TMTC1: variants seen among roughly 807,000 people sequenced by gnomAD.
TMTC1 encodes the protein protein O-mannosyl-transferase TMTC1.
Under a neutral mutation model 104.8 loss-of-function variants are expected in TMTC1, and 73 were observed. The ratio of observed to expected loss-of-function variants is 0.70; its 90% CI spans 0.58 to 0.85. TMTC1 has a LOEUF of 0.85. Among genes scored for constraint, TMTC1 ranks in the 40% least tolerant of loss-of-function variants. The probability of loss-of-function intolerance (pLI) is 0.00; values close to 1 mark genes in which losing one functional copy is unlikely to be tolerated. For synonymous variants in TMTC1, 434 were observed against 428.7 expected, an observed-to-expected ratio of 1.01 and a Z score of -0.15; for missense variants, 1,035 against 1,096.1, an observed-to-expected ratio of 0.94 and a Z score of 0.79.
At chr12:29,710,965 A>C (rs1196693181) in intron 5 of TMTC1, among the ~76,000 whole-genome samples, 1 of 47,224 alleles carries the variant, frequency 2.1e-5, no homozygotes, top group African/African-American at 4.8e-5. Context: ...TAAATATATT[A>C]ATAATATATA....
intron 5 of TMTC1, chr12:29,666,079 T>A (rs185635568): frequency 4.5e-5 from 17 of 374,464 alleles, no homozygotes; most frequent in Admixed American, 3.1e-4. Flanking sequence ...AACAGACCCA[T>A]CCTCACCTTA....
intron 10 of TMTC1, among the ~76,000 whole-genome samples, chr12:29,540,035 A>G (rs1360144833): frequency 2.0e-5 from 3 of 152,204 alleles, no homozygotes; most frequent in Non-Finnish European, 4.4e-5. Flanking sequence ...ATACATATGT[A>G]TCACCTTTCT....
chr12:29,736,698 G>A (rs946680456), intron 5 of TMTC1, among the ~76,000 whole-genome samples: 5 of 152,162 alleles, frequency 3.3e-5, no homozygotes, highest in Non-Finnish European at 7.3e-5. Flanking sequence ...GATTACAGGC[G>A]TAAGCCACCA....
chr12:29,657,137 T>C (rs79153591), intron 5 of TMTC1, among the ~76,000 whole-genome samples: 2,833 of 152,292 alleles, frequency 0.019, 93 homozygotes, highest in African/African-American at 0.064. Context: ...TATGTCTAAC[T>C]ACAAAGATAA....
intron 9 of TMTC1, among the ~76,000 whole-genome samples, chr12:29,558,833 G>C (rs1945310202): frequency 1.3e-5 from 2 of 152,312 alleles, no homozygotes; most frequent in South Asian, 2.1e-4. Context: ...GCCTTTAGAA[G>C]ATATGAGGCT....
intron 5 of TMTC1, among the ~76,000 whole-genome samples, chr12:29,725,384 A>G (rs1591979424): frequency 6.6e-6 from 1 of 151,654 alleles, no homozygotes; most frequent in South Asian, 2.1e-4. Flanking sequence ...CCCAGGCTGG[A>G]GTGCAATGGC....
chr12:29,734,640 C>T (rs1307843137), intron 5 of TMTC1, among the ~76,000 whole-genome samples: 6 of 152,162 alleles, frequency 3.9e-5, no homozygotes, highest in Non-Finnish European at 2.9e-5. Context: ...GAATATACCA[C>T]ATTTCTCATG....
At position 29,525,642 on chromosome 12, in the gene TMTC1, T is replaced by C. The variant is rs150918449; in HGVS notation, c.1786-4922A>G. On this transcript the variant is annotated intron_variant, in intron 11 of 17. Transcript: ENST00000539277. ...TTTGGCATGATGTATTAAAGCCTTG[T>C]AGCATTTAGTCATATCAGAGTTTCA... Among the ~76,000 whole-genome samples, 144 of 152,248 alleles carry C rather than the reference T, an allele frequency of 9.5e-4. 1 individual carries two copies. The South Asian group carries it at 0.016, about 16-fold the overall frequency.
At chr12:29,528,449 A>T (rs1479173315) in intron 11 of TMTC1, among the ~76,000 whole-genome samples, 1 of 152,182 alleles carries the variant, frequency 6.6e-6, no homozygotes, top group Non-Finnish European at 1.5e-5. Flanking sequence ...TCCAAGACTT[A>T]AAGCATTTTC....
chr12:29,715,748 T>A (rs955571089), intron 5 of TMTC1, among the ~76,000 whole-genome samples: 8 of 152,072 alleles, frequency 5.3e-5, no homozygotes, highest in African/African-American at 1.9e-4. Flanking sequence ...AAACTTACAA[T>A]CGTGGTGGAA....
At chr12:29,726,567 C>G (rs1942397557) in intron 5 of TMTC1, among the ~76,000 whole-genome samples, 1 of 152,164 alleles carries the variant, frequency 6.6e-6, no homozygotes, top group Non-Finnish European at 1.5e-5. Context: ...TGCCTTTCTC[C>G]AGGAGGGCAA....
chr12:29,552,862 T>A (rs1945142745), intron 10 of TMTC1, among the ~76,000 whole-genome samples: 1 of 152,228 alleles, frequency 6.6e-6, no homozygotes, highest in Non-Finnish European at 1.5e-5. Flanking sequence ...TTAAAGTGAA[T>A]AAATAGTAAA....
chr12:29,716,031 A>ATTATTATTT (rs1479434558), intron 5 of TMTC1, among the ~76,000 whole-genome samples: 2 of 135,504 alleles, frequency 1.5e-5, no homozygotes, highest in Non-Finnish European at 3.3e-5. Flanking sequence ...TATTATTATT[A>ATTATTATTT]TTTTAGAAAC....
upstream of TMTC1, chr12:29,784,615 C>T (rs1943914215): frequency 6.6e-6 from 1 of 152,278 alleles, no homozygotes; most frequent in Non-Finnish European, 1.5e-5. Context: ...ACTTTACAGC[C>T]CCTTTCTTGG....
chr12:29,571,986 G>C (rs994256441), intron 9 of TMTC1, 119 bp downstream of exon 9: 21 of 733,362 alleles, frequency 2.9e-5, no homozygotes, highest in Non-Finnish European at 4.8e-5. Context: ...CACCTCCAAG[G>C]ATCAGTTTAC....
At position 29,506,632 on chromosome 12, in the gene TMTC1, CCTT is replaced by C. The variant is rs1943699467; in HGVS notation, c.*211_*213del. 1.8e-6 allele frequency: 1 copy of C among 564,104 alleles called. No homozygotes were observed. 34.9% of individuals were successfully genotyped at this position (564,104 alleles called of 1,614,324 possible). A position where few individuals can be genotyped will look rare whatever the true frequency, so the allele number is the denominator to read the frequency against. Reference sequence around the variant, plus strand: ...AATGTCATTCTCCTTCCCTCTCAGACCTTCTTGCCCTTGTTTGCTGTTTTCGTC... The same window carrying C: ...AATGTCATTCTCCTTCCCTCTCAGACCTTGCCCTTGTTTGCTGTTTTCGTC... On this transcript the variant is annotated 3_prime_UTR_variant, in exon 18 of 18. Transcript: ENST00000539277.
At chr12:29,586,188 T>C (rs1371437047) in intron 7 of TMTC1, among the ~76,000 whole-genome samples, 1 of 152,162 alleles carries the variant, frequency 6.6e-6, no homozygotes, top group Non-Finnish European at 1.5e-5. Context: ...GGTATTTTAT[T>C]CTCTTTGAAG....
chr12:29,540,728 C>T (rs551387767), intron 10 of TMTC1, among the ~76,000 whole-genome samples: 6 of 152,162 alleles, frequency 3.9e-5, no homozygotes, highest in South Asian at 2.1e-4. Flanking sequence ...TCGTGGCTCA[C>T]GCCTGTATGT....
intron 1 of TMTC1, among the ~76,000 whole-genome samples, chr12:29,780,146 G>A (rs1943800648): frequency 6.6e-6 from 1 of 152,122 alleles, no homozygotes. Flanking sequence ...TTGGACTCCT[G>A]GGCATTTAGA....
Sources: gnomAD v4.1 joint callset for allele counts (sites outside exome capture counted in the v4.1 genomes callset) on GRCh38, gnomAD v4.1.1 for gene constraint, MANE v1.5 for transcripts, NCBI Gene and HGNC (gene_info 2026-07-23, HGNC 2026-07-21) for gene names.